The following RBFOX1 variants were observed in gnomAD, a reference collection of about 807,000 sequenced individuals.
RBFOX1 encodes RNA binding fox-1 homolog 1, also known as RNA binding protein fox-1 homolog 1.
Under a neutral mutation model 57.7 loss-of-function variants are expected in RBFOX1, and 8 were observed. The observed-to-expected ratio is 0.14, with a 90% CI of 0.08 to 0.25. RBFOX1 has a LOEUF of 0.25. RBFOX1 is among the 10% of genes least tolerant of loss of function. The probability of loss-of-function intolerance (pLI) is 1.00; values close to 1 mark genes in which losing one functional copy is unlikely to be tolerated. For synonymous variants in RBFOX1, 326 were observed against 222.4 expected (o/e 1.47, Z -4.15); for missense variants, 611 against 548.5 (o/e 1.11, Z -1.14).
At chr16:6,239,305 G>A (rs1373991875) in intron 1 of RBFOX1, among the ~76,000 whole-genome samples, 1 of 151,942 alleles carries the variant, frequency 6.6e-6, no homozygotes. Flanking sequence ...CCTTGTTGGG[G>A]TTATTTCTGG....
Position 7,134,727 on chromosome 16 carries a change from G to C in RBFOX1, c.27+82629G>C, listed in dbSNP as rs556075983. ...TGAAAACTACTTTTGTTGTGTTGTA[G>C]TTGCTGTTGCTGCTGCTGTAGATGG... On this transcript the variant is annotated intron_variant, in intron 4 of 15. Transcript: ENST00000550418. Among the ~76,000 whole-genome samples, 47 of 152,282 alleles carry C rather than the reference G, an allele frequency of 3.1e-4. No homozygotes were observed. In the East Asian group the frequency reaches 7.7e-3, roughly 25 times the overall value.
At chr16:6,419,355 C>G (rs958069745) in intron 2 of RBFOX1, among the ~76,000 whole-genome samples, 2 of 152,076 alleles carry the variant, frequency 1.3e-5, no homozygotes, top group Non-Finnish European at 2.9e-5. Context: ...TGTGAGCTCT[C>G]TAAAAAGTGT....
intron 4 of RBFOX1, among the ~76,000 whole-genome samples, chr16:7,300,518 C>T (rs1000061946): frequency 6.6e-6 from 1 of 152,204 alleles, no homozygotes; most frequent in Non-Finnish European, 1.5e-5. Flanking sequence ...TGCCACTGAG[C>T]TAACCCCAGT....
At chr16:5,499,898 A>G (rs1368171350) in intron 2 of RBFOX1, among the ~76,000 whole-genome samples, 1 of 152,108 alleles carries the variant, frequency 6.6e-6, no homozygotes, top group Non-Finnish European at 1.5e-5. Context: ...TGACTCCAAA[A>G]TCCACACTCC....
At chr16:7,294,808 G>A (rs1408962746) in intron 4 of RBFOX1, among the ~76,000 whole-genome samples, 2 of 152,018 alleles carry the variant, frequency 1.3e-5, no homozygotes, top group African/African-American at 4.8e-5. Context: ...GATGACAGTG[G>A]TGATTTTGTA....
At chr16:5,693,152 A>G (rs537472620) in intron 3 of RBFOX1, among the ~76,000 whole-genome samples, 7 of 152,170 alleles carry the variant, frequency 4.6e-5, no homozygotes, top group Admixed American at 1.3e-4. Flanking sequence ...GAAGCACACA[A>G]TCCTTCTGTT....
intron 3 of RBFOX1, among the ~76,000 whole-genome samples, chr16:5,736,773 C>G (rs1355244567): frequency 4.0e-5 from 6 of 151,864 alleles, no homozygotes; most frequent in Non-Finnish European, 7.4e-5. Context: ...GCCTTTCTCT[C>G]CATCTGTTTA....
intron 4 of RBFOX1, among the ~76,000 whole-genome samples, chr16:7,185,201 C>G (rs909172871): frequency 6.6e-6 from 1 of 151,938 alleles, no homozygotes; most frequent in Non-Finnish European, 1.5e-5. Context: ...ATACCTCTCT[C>G]TCTCTCTCTG....
chr16:5,784,395 C>G (rs2054429029), intron 3 of RBFOX1, among the ~76,000 whole-genome samples: 1 of 151,850 alleles, frequency 6.6e-6, no homozygotes, highest in South Asian at 2.1e-4. Context: ...CCACTGCACT[C>G]CAGCCTGGGC....
chr16:7,443,051 C>T (rs1799936767), intron 4 of RBFOX1, among the ~76,000 whole-genome samples: 2 of 152,284 alleles, frequency 1.3e-5, no homozygotes, highest in East Asian at 1.9e-4. Context: ...CAGCCCCATT[C>T]GTATCAAAAC....
intron 3 of RBFOX1, among the ~76,000 whole-genome samples, chr16:5,825,346 C>T (rs1353582054): frequency 1.3e-5 from 2 of 152,168 alleles, no homozygotes; most frequent in Non-Finnish European, 2.9e-5. Context: ...CTCTCTATGC[C>T]ACATCTTTTG....
At chr16:6,691,673 A>G (rs951248153) in intron 3 of RBFOX1, among the ~76,000 whole-genome samples, 1 of 152,192 alleles carries the variant, frequency 6.6e-6, no homozygotes, top group Non-Finnish European at 1.5e-5. Flanking sequence ...AGGTAGGATA[A>G]TGGTCCTCCA....
chr16:5,757,698 C>G (rs950309162), intron 3 of RBFOX1, among the ~76,000 whole-genome samples: 1 of 152,134 alleles, frequency 6.6e-6, no homozygotes, highest in Non-Finnish European at 1.5e-5. Context: ...TTATTTAATT[C>G]TTACAACAGT....
intron 5 of RBFOX1, among the ~76,000 whole-genome samples, chr16:7,533,114 T>C (rs940869874): frequency 6.6e-6 from 1 of 152,196 alleles, no homozygotes; most frequent in Non-Finnish European, 1.5e-5. Flanking sequence ...GCCTGTAGGG[T>C]TTTACCAAGT....
In RBFOX1 at chr16:6,454,574, A is replaced by C. The variant is rs1022492969; in HGVS notation, c.-64+137517A>C. 2.0e-5 allele frequency among the ~76,000 whole-genome samples: 3 copies of C among 152,298 alleles called. No homozygotes were observed. The South Asian group carries it at 6.2e-4, about 32-fold the overall frequency. ...CACCTTCTCAAAAACAAGGAAACAA[A>C]AAATGAAAACAAACAAAAAACACCT... On this transcript the variant is annotated intron_variant, in intron 2 of 15. Transcript: ENST00000550418.
intron 1 of RBFOX1, among the ~76,000 whole-genome samples, chr16:5,336,124 C>G (rs2064889696): frequency 6.6e-6 from 1 of 152,168 alleles, no homozygotes; most frequent in African/African-American, 2.4e-5. Context: ...GCTTTTTTGG[C>G]TCGGAGTTCA....
At chr16:5,702,078 G>A (rs1281423337) in intron 3 of RBFOX1, among the ~76,000 whole-genome samples, 1 of 152,118 alleles carries the variant, frequency 6.6e-6, no homozygotes, top group Non-Finnish European at 1.5e-5. Context: ...AGAAGGAGGT[G>A]GGGAATTGGC....
Position 6,090,110 on chromosome 16 carries a change from C to T in RBFOX1, c.-127+70118C>T, listed in dbSNP as rs1314760076. The T allele has an allele frequency of 2.6e-5, 4 of 152,124 alleles. No individual in the cohort carries two copies. In the East Asian group the frequency reaches 5.8e-4, roughly 22 times the overall value. 9.4% of individuals were successfully genotyped at this position (152,124 alleles called of 1,614,324 possible). A position where few individuals can be genotyped will look rare whatever the true frequency, so the allele number is the denominator to read the frequency against. ...CTCCTGCATGCCTTGGCTCGTGGCC[C>T]CTTCTTCCATCTTCAAAGCCAGCAT... is the stretch of plus-strand genomic sequence containing the variant. On this transcript the variant is annotated intron_variant, in intron 1 of 15. Transcript: ENST00000550418.
At chr16:7,234,928 A>C (rs910536771) in intron 4 of RBFOX1, among the ~76,000 whole-genome samples, 3 of 152,046 alleles carry the variant, frequency 2.0e-5, no homozygotes, top group African/African-American at 7.2e-5. Flanking sequence ...TCAGAGACTT[A>C]CTGTAGACTT....
Sources: gnomAD v4.1 joint callset for allele counts (sites outside exome capture counted in the v4.1 genomes callset) on GRCh38, gnomAD v4.1.1 for gene constraint, MANE v1.5 for transcripts, NCBI Gene and HGNC (gene_info 2026-07-23, HGNC 2026-07-21) for gene names.